SSPN: variants seen among roughly 807,000 people sequenced by gnomAD.
SSPN encodes sarcospan, also known as K-ras oncogene-associated protein.
SSPN carries 15 observed loss-of-function variants against 19.1 expected under a neutral mutation model. The observed-to-expected ratio is 0.78, with a 90% confidence interval of 0.52 to 1.21. The LOEUF is 1.21. SSPN is among the 50% of genes most tolerant of loss of function. The pLI is 0.00. For missense variants in SSPN, 291 were observed against 314.0 expected, an observed-to-expected ratio of 0.93 and a Z score of 0.55; for synonymous variants, 147 against 140.3, an observed-to-expected ratio of 1.05 and a Z score of -0.34.
chr12:26,139,709 T>C (rs1944447940), intron 1 of SSPN, among the ~76,000 whole-genome samples: 1 of 152,202 alleles, frequency 6.6e-6, no homozygotes, highest in South Asian at 2.1e-4. Flanking sequence ...TAAAATGTGG[T>C]AAACAGTAAA....
At chr12:26,185,124 A>T (rs1944744422) in intron 1 of SSPN, among the ~76,000 whole-genome samples, 1 of 152,190 alleles carries the variant, frequency 6.6e-6, no homozygotes, top group Non-Finnish European at 1.5e-5. Context: ...ATAATCCATG[A>T]TACTGAAAAA....
upstream of SSPN, among the ~76,000 whole-genome samples, chr12:26,190,368 C>A (rs6487541): frequency 0.68 from 103,347 of 152,100 alleles, 36,544 homozygotes; most frequent in East Asian, 0.78. Flanking sequence ...GTGGATAGGC[C>A]ATCTGGAAAG....
intron 1 of SSPN, chr12:26,124,514 C>G (rs201214865): frequency 6.2e-7 from 1 of 1,613,892 alleles, no homozygotes; most frequent in Admixed American, 1.7e-5. Flanking sequence ...GGAACTTACA[C>G]TTACCTTGGT....
At chr12:26,150,859 G>A (rs1944521386) in intron 1 of SSPN, among the ~76,000 whole-genome samples, 1 of 152,174 alleles carries the variant, frequency 6.6e-6, no homozygotes, top group African/African-American at 2.4e-5. Flanking sequence ...TTTGCCTCTG[G>A]GAAAGTCAGA....
Position 26,231,163 on chromosome 12 carries a change from AAAAAATTG to A in SSPN, c.*89_*96del. On this transcript the variant is annotated 3_prime_UTR_variant, in exon 3 of 3. Transcript: ENST00000242729. ...AAAAAAATTTTAAACAAAGAAAGGA[AAAAAATTG>A]ACAATAAAAGTCACTCTTCTAATTG... The A allele has an allele frequency of 7.0e-7, 1 of 1,420,226 alleles. No homozygotes were observed. Among genetic ancestry groups the A allele is most frequent in the Non-Finnish European group, 9.2e-7 (1 of 1,083,480 alleles). The allele number at this position is 1,420,226 out of a possible 1,614,324, so 88.0% of individuals were successfully genotyped here.
intron 1 of SSPN, among the ~76,000 whole-genome samples, chr12:26,185,006 C>A (rs1421564403): frequency 6.6e-6 from 1 of 151,990 alleles, no homozygotes; most frequent in African/African-American, 2.4e-5. Context: ...GTGATACTTC[C>A]CCTGCTGTCT....
At chr12:26,204,730 T>G (rs1944916439) in intron 1 of SSPN, among the ~76,000 whole-genome samples, 1 of 152,220 alleles carries the variant, frequency 6.6e-6, no homozygotes, top group African/African-American at 2.4e-5. Flanking sequence ...CTCATTGGAT[T>G]CTGTTCCCTC....
intron 1 of SSPN, chr12:26,123,003 G>C (rs575264913): frequency 6.4e-7 from 1 of 1,568,018 alleles, no homozygotes; most frequent in East Asian, 2.4e-5. Flanking sequence ...CAAGAACTGG[G>C]TGGCCACGGC....
intron 1 of SSPN, among the ~76,000 whole-genome samples, chr12:26,147,667 T>A (rs141327318): frequency 0.016 from 2,443 of 152,320 alleles, 40 homozygotes; most frequent in African/African-American, 0.043. Context: ...GAAACAACTA[T>A]GAAAGATGCA....
At chr12:26,182,766 CTTTTT>C (rs68001290) in intron 1 of SSPN, among the ~76,000 whole-genome samples, 1 of 131,552 alleles carries the variant, frequency 7.6e-6, no homozygotes, top group Admixed American at 7.6e-5. Flanking sequence ...AAAGTACATA[CTTTTT>C]TTTTTTTTTT....
Position 26,184,241 on chromosome 12 carries a change from A to G in SSPN, c.-30-40052A>G, listed in dbSNP as rs146621521. Among the ~76,000 whole-genome samples the G allele has an allele frequency of 4.7e-3, 710 of 152,364 alleles. 10 individuals carry two copies. Among genetic ancestry groups the G allele is most frequent in the African/African-American group, 0.016 (682 of 41,584 alleles). On this transcript the variant is annotated intron_variant, in intron 1 of 2. Coordinates refer to the SSPN transcript ENST00000538142. Reference sequence around the variant, plus strand: ...TGCAAAGCACTGTGTATATTTATACATTGAAGTTATTTACAACAACATATT... The same window carrying G: ...TGCAAAGCACTGTGTATATTTATACGTTGAAGTTATTTACAACAACATATT...
At chr12:26,194,081 T>C (rs1944805526), upstream of SSPN, among the ~76,000 whole-genome samples, 1 of 152,218 alleles carries the variant, frequency 6.6e-6, no homozygotes, top group African/African-American at 2.4e-5. Context: ...CACTTATTTT[T>C]GAATATAGCT....
intron 1 of SSPN, among the ~76,000 whole-genome samples, chr12:26,212,009 T>G (rs1944992748): frequency 6.6e-6 from 1 of 152,210 alleles, no homozygotes; most frequent in Non-Finnish European, 1.5e-5. Context: ...TACTGGTGAA[T>G]CCATTCTCAT....
intron 1 of SSPN, among the ~76,000 whole-genome samples, chr12:26,139,148 A>G (rs970307724): frequency 6.6e-6 from 1 of 152,188 alleles, no homozygotes; most frequent in Admixed American, 6.5e-5. Context: ...ACACATAAGA[A>G]TAAAATATAT....
chr12:26,219,481 CA>C (rs67042818), intron 1 of SSPN, among the ~76,000 whole-genome samples: 151,779 of 152,288 alleles, frequency 1, 75,637 homozygotes, highest in Middle Eastern at 1. Flanking sequence ...CGCACATCCA[CA>C]AAAAATGGAT....
chr12:26,179,032 G>A (rs1944702213), intron 1 of SSPN, among the ~76,000 whole-genome samples: 1 of 152,176 alleles, frequency 6.6e-6, no homozygotes, highest in South Asian at 2.1e-4. Context: ...GACAATGACG[G>A]GAAGACTTGC....
At chr12:26,209,386 A>C (rs1447468491) in intron 1 of SSPN, among the ~76,000 whole-genome samples, 5 of 152,104 alleles carry the variant, frequency 3.3e-5, no homozygotes, top group Non-Finnish European at 7.4e-5. Flanking sequence ...TTTTAAAATT[A>C]AGTTTGTTCC....
At chr12:26,207,992 C>T (rs969707070) in intron 1 of SSPN, among the ~76,000 whole-genome samples, 2 of 144,234 alleles carry the variant, frequency 1.4e-5, no homozygotes, top group African/African-American at 5.2e-5. Context: ...AGAGCAAGAC[C>T]CTGTCTCAAA....
chr12:26,130,401 A>G (rs1282468952), intron 1 of SSPN, among the ~76,000 whole-genome samples: 1 of 152,216 alleles, frequency 6.6e-6, no homozygotes, highest in Non-Finnish European at 1.5e-5. Context: ...AGTTGTCAGT[A>G]ACAGATATTT....
Sources: gnomAD v4.1 joint callset for allele counts (sites outside exome capture counted in the v4.1 genomes callset) on GRCh38, gnomAD v4.1.1 for gene constraint, MANE v1.5 for transcripts, NCBI Gene and HGNC (gene_info 2026-07-23, HGNC 2026-07-21) for gene names.